Variants in NACA observed in about 807,000 individuals in gnomAD.
NACA encodes the protein nascent polypeptide-associated complex subunit alpha.
In NACA, 42 loss-of-function variants were observed where a neutral mutation model predicts 86.4. The ratio of observed to expected loss-of-function variants is 0.49; its 90% confidence interval spans 0.38 to 0.63. NACA has a LOEUF of 0.63. Among genes scored for constraint, NACA ranks in the 20% least tolerant of loss-of-function variants. The pLI is 0.00. For missense variants in NACA, 2,157 were observed against 2,483.6 expected (o/e 0.87, Z 2.80); for synonymous variants, 898 against 973.7 (o/e 0.92, Z 1.45).
Position 56,713,195 on chromosome 12 carries a change from A to G in NACA, c.5971-5T>C. ...TTGCTGGGATAAATCTTCGATCTAC[A>G]GGGTAGAAAATACAGATCCATGTGA... On this transcript the variant is annotated splice_region_variant and splice_polypyrimidine_tract_variant and intron_variant, in intron 6 of 8. Coordinates refer to ENST00000454682, the MANE Select transcript of NACA (RefSeq NM_001365896.1). The G allele has an allele frequency of 6.2e-7, 1 of 1,613,760 alleles. No homozygotes were observed. The highest frequency in any genetic ancestry group is 2.2e-5 in the East Asian group (1 of 44,876).
Position 56,721,233 on chromosome 12 carries a change from G to C in NACA, c.297C>G (p.Ala99=). 6.2e-7 allele frequency: 1 copy of C among 1,613,720 alleles called. No homozygotes were observed. Among genetic ancestry groups the C allele is most frequent in the Non-Finnish European group, 8.5e-7 (1 of 1,179,774 alleles). Residue 99 remains alanine (A), a synonymous_variant, in exon 3 of 9, where the codon GCC becomes GCG. Transcript: ENST00000454682. The part of the protein sequence containing the change: ...TALPLGTAPE[A]PTFLPNLIGP... Reference sequence around the variant, plus strand: ...CTATTAGGTTTGGTAGGAAGGTTGGGGCTTCAGGGGCAGTTCCCAAAGGTA... The same window carrying C: ...CTATTAGGTTTGGTAGGAAGGTTGGCGCTTCAGGGGCAGTTCCCAAAGGTA...
intron 4 of NACA, 66 bp from the exon 5 acceptor site, chr12:56,714,505 G>A: frequency 6.2e-7 from 1 of 1,604,192 alleles, no homozygotes; most frequent in Non-Finnish European, 8.5e-7. Context: ...TCTCCTTGTG[G>A]GTTTTCCTTT....
chr12:56,714,872 C>T (rs1286760275), intron 3 of NACA, 185 bp from the exon 4 acceptor site: 1 of 602,758 alleles, frequency 1.7e-6, no homozygotes, highest in African/African-American at 1.9e-5. Flanking sequence ...AGCGGGTACA[C>T]ATCTAGTAAA....
At chr12:56,723,349 T>C (rs1363333995) in intron 2 of NACA, among the ~76,000 whole-genome samples, 2 of 152,244 alleles carry the variant, frequency 1.3e-5, no homozygotes, top group East Asian at 1.9e-4. Context: ...TCTAAATTCA[T>C]CTGAATTTCA....
In NACA at chr12:56,717,052, G is replaced by A. The variant is rs760497580; in HGVS notation, c.4478C>T (p.Ala1493Val). The stretch of plus-strand genomic sequence containing the variant: ...CCCCATGGGGGCTGGAGTTGCTGGG[G>A]CCTTTTTGGGAGAGGAAGAAGTGGC... ...QVATSSSPKKAPATPAPMGAP... is the reference protein window; with the variant it reads ...QVATSSSPKKVPATPAPMGAP... The change falls in exon 3 of 9, where the codon GCC (alanine) becomes GTC (valine). Residue 1493 changes from alanine (A) to valine (V), a missense_variant. Physicochemically the swap from Ala to Val is moderately conservative, Grantham distance 64. This residue lies in a region of NACA where 797 missense variants were observed against 777.6 expected (regional missense o/e 1.02). Coordinates refer to ENST00000454682, the MANE Select transcript of NACA (RefSeq NM_001365896.1). 2.4e-6 allele frequency: 3 copies of A among 1,245,722 alleles called. No homozygotes were observed. The highest frequency in any genetic ancestry group is 8.1e-5 in the East Asian group (2 of 24,820). The allele number at this position is 1,245,722 out of a possible 1,614,324, so 77.2% of individuals were successfully genotyped here.
rs1565890575 is a variant in NACA at position 56,712,619 on chromosome 12, T to G, written c.6223-67A>C. The G allele has an allele frequency of 1.9e-6, 3 of 1,600,396 alleles. No homozygotes were observed. In the East Asian group the frequency reaches 6.7e-5, roughly 36 times the overall value. Reference sequence around the variant, plus strand: ...TCAGGAGAATTCAGGTCACTAAAACTCTTACAGGCAAATCAGGAGAATTTA... The same window carrying G: ...TCAGGAGAATTCAGGTCACTAAAACGCTTACAGGCAAATCAGGAGAATTTA... On this transcript the variant is annotated intron_variant, in intron 8 of 8. Coordinates refer to ENST00000454682, the MANE Select transcript of NACA (RefSeq NM_001365896.1).
chr12:56,716,411 T>C lies in NACA; in HGVS notation c.5119A>G (p.Lys1707Glu), dbSNP rs1299343235. The C allele has an allele frequency of 6.2e-7, 1 of 1,601,706 alleles. No homozygotes were observed. Among genetic ancestry groups the C allele is most frequent in the Non-Finnish European group, 8.5e-7 (1 of 1,172,664 alleles). Residue 1707 changes from lysine to glutamate, a missense_variant, in exon 3 of 9, where the codon AAA becomes GAA. Lys to Glu is a moderately conservative substitution (Grantham distance 56). Transcript: ENST00000454682. Reference protein sequence around the residue: ...TAPTRKGPQTKKSSATSPPIC... With the variant: ...TAPTRKGPQTEKSSATSPPIC... ...GGAGGTGAAGTAGCAGAACTCTTTT[T>C]GGTCTGTGGACCTTTCCGAGTGGGA... is the stretch of plus-strand genomic sequence containing the variant.
At chr12:56,724,166 GT>G (rs2137838858) in intron 2 of NACA, among the ~76,000 whole-genome samples, 1 of 152,276 alleles carries the variant, frequency 6.6e-6, no homozygotes, top group African/African-American at 2.4e-5. Flanking sequence ...TCCCTGCTGA[GT>G]TTTCCTATGT....
rs1953274514 is a variant in NACA, at chr12:56,713,671, G to A, written c.5836C>T (p.Leu1946=). The A allele has an allele frequency of 6.2e-7, 1 of 1,614,034 alleles. No individual in the cohort carries two copies. The highest frequency in any genetic ancestry group is 8.5e-7 in the Non-Finnish European group (1 of 1,179,968). The change falls in exon 6 of 9, where the codon CTG becomes TTG. Residue 1946 remains leucine, a synonymous_variant. Coordinates refer to ENST00000454682, the MANE Select transcript of NACA (RefSeq NM_001365896.1). ...ACTCCTGTAACCTGCCGAAGACCCA[G>A]TTTGGACATAGCCTAAAGAAGAGAA... ...EKKARKAMSK[L]GLRQVTGVTR...
In NACA at chr12:56,714,339, C is replaced by T. The variant is rs772803436; in HGVS notation, c.5823+23G>A. ...CTGTATAAAGGTGCTTCATAAGATC[C>T]TGAAATCCTTTTCAAATCTTACCTT... On this transcript the variant is annotated intron_variant, in intron 5 of 8. Transcript: ENST00000454682. 7.1e-5 allele frequency: 115 copies of T among 1,610,770 alleles called. 3 individuals are homozygous for T. The South Asian group carries it at 1.2e-3, about 17-fold the overall frequency.
rs1953477352 is a variant in NACA at position 56,718,726 on chromosome 12, G to C, written c.2804C>G (p.Ser935Cys). 1 of 1,441,628 alleles carries C rather than the reference G, an allele frequency of 6.9e-7. No homozygotes were observed. Among genetic ancestry groups the C allele is most frequent in the Non-Finnish European group, 9.4e-7 (1 of 1,069,508 alleles). The allele number at this position is 1,441,628 out of a possible 1,614,324, so 89.3% of individuals were successfully genotyped here. A position where few individuals can be genotyped will look rare whatever the true frequency, so the allele number is the denominator to read the frequency against. ...TGGGGGTGTGGGGGCCCCTTTGGGG[G>C]ATGGGGAAGCTGGGATTCCTTTAGG... is the stretch of plus-strand genomic sequence containing the variant. ...PAPKGIPASP[S>C]PKGAPTPPAA... Residue 935 changes from serine to cysteine, a missense_variant, in exon 3 of 9, where the codon TCC becomes TGC. Around this residue, in one of 8 missense-constraint regions of NACA, gnomAD observed 174 missense variants for 217.0 expected, o/e 0.80. Coordinates refer to ENST00000454682, the MANE Select transcript of NACA (RefSeq NM_001365896.1).
Position 56,721,255 on chromosome 12 carries a change from G to A in NACA, c.275C>T (p.Pro92Leu). ...FPQSSSGTAL[P>L]LGTAPEAPTF... ...TGGGGCTTCAGGGGCAGTTCCCAAA[G>A]GTAGGGCTGTTCCAGAGGATGACTG... Residue 92 changes from proline (P) to leucine (L), a missense_variant, in exon 3 of 9, where the codon CCT (proline) becomes CTT (leucine). Pro to Leu is a moderately conservative substitution (Grantham distance 98, BLOSUM62 -3). Coordinates refer to ENST00000454682, the MANE Select transcript of NACA (RefSeq NM_001365896.1). 1.2e-6 allele frequency: 2 copies of A among 1,613,616 alleles called. No individual in the cohort carries two copies. Among genetic ancestry groups the A allele is most frequent in the Non-Finnish European group, 1.7e-6 (2 of 1,179,742 alleles).
chr12:56,715,784 G>A (rs1272228484), intron 3 of NACA, 87 bp downstream of exon 3: 30 of 1,161,938 alleles, frequency 2.6e-5, no homozygotes, highest in Admixed American at 1.8e-4. Context: ...AGAAAGCGGC[G>A]CATCACAGGG....
rs751482228 is a variant in NACA, at chr12:56,715,871, C to T, written c.5659G>A (p.Gly1887Arg). The T allele has an allele frequency of 1.3e-6, 2 of 1,512,804 alleles. No individual in the cohort carries two copies. The highest frequency in any genetic ancestry group is 2.8e-5 in the African/African-American group (2 of 71,556). 93.7% of individuals were successfully genotyped at this position (1,512,804 alleles called of 1,614,324 possible). A position where few individuals can be genotyped will look rare whatever the true frequency, so the allele number is the denominator to read the frequency against. Residue 1887 changes from glycine to arginine, a missense_variant and splice_region_variant, in exon 3 of 9, where the codon GGG (glycine) becomes AGG (arginine). Around this residue, in one of 8 missense-constraint regions of NACA, gnomAD observed 797 missense variants for 777.6 expected, o/e 1.02. Transcript: ENST00000454682. ...GCACACGGCAAACCAAGGCAAATAC[C>T]CTTGTTGTTCTTCGTAACAGGTTGC... ...AKQPVTKNNK[G>R]SGTESDSDES...
chr12:56,713,212 T>A, intron 6 of NACA, 22 bp from the exon 7 acceptor site: 1 of 1,612,334 alleles, frequency 6.2e-7, no homozygotes. Flanking sequence ...AAAATACAGA[T>A]CCATGTGAGT....
chr12:56,721,542 T>C, intron 2 of NACA, 83 bp from the exon 3 acceptor site: 1 of 847,954 alleles, frequency 1.2e-6, no homozygotes, highest in Non-Finnish European at 1.8e-6. Context: ...TGGTACAACA[T>C]GCCTCCTAGG....
In NACA at chr12:56,718,971, C is replaced by G. The variant is rs376972317; in HGVS notation, c.2559G>C (p.Thr853=). ...FQGSKDSPAT[T]HSPTPPSPKG... is the part of the protein sequence containing the mutation. Reference sequence around the variant, plus strand: ...TGGGGGATGGAGGAGTGGGAGAATGCGTCGTGGCTGGTGAGTCTTTAGAGC... The same window carrying G: ...TGGGGGATGGAGGAGTGGGAGAATGGGTCGTGGCTGGTGAGTCTTTAGAGC... The change falls in exon 3 of 9, where the codon ACG becomes ACC. Residue 853 remains threonine, a synonymous_variant. Transcript: ENST00000454682. The G allele has an allele frequency of 6.9e-7, 1 of 1,446,642 alleles. No homozygotes were observed. The allele number at this position is 1,446,642 out of a possible 1,614,324, so 89.6% of individuals were successfully genotyped here.
At position 56,716,257 on chromosome 12, in the gene NACA, G is replaced by A. The variant is rs1443796981; in HGVS notation, c.5273C>T (p.Pro1758Leu). 6.2e-7 allele frequency: 1 copy of A among 1,613,572 alleles called. No individual in the cohort carries two copies. The highest frequency in any genetic ancestry group is 1.3e-5 in the African/African-American group (1 of 74,922). The change falls in exon 3 of 9, where the codon CCA becomes CTA. Residue 1758 changes from proline to leucine, a missense_variant. By Grantham distance (98) the Pro-to-Leu change is moderately conservative. Coordinates refer to ENST00000454682, the MANE Select transcript of NACA (RefSeq NM_001365896.1). ...CTCAGGAGGAGCCAAGGGGCCCTTT[G>A]GGGAATGAGAAGCATCTTTGCCTTT... is the stretch of plus-strand genomic sequence containing the variant. ...TAKGKDASHS[P>L]KGPLAPPESK...
rs775527927 is a variant in NACA at position 56,724,495 on chromosome 12, G to T, written c.27C>A (p.Val9=). 8.7e-6 allele frequency: 14 copies of T among 1,612,838 alleles called. 1 individual carries two copies. In the South Asian group the frequency reaches 1.5e-4, roughly 18 times the overall value. MPGEATET[V]PATEQELPQP... ...GCGGCAACTCCTGCTCTGTAGCAGG[G>T]ACGGTTTCTGTGGCTTCGCCGGGCA... The change falls in exon 2 of 9, where the codon GTC becomes GTA. Residue 9 remains valine, a synonymous_variant. Coordinates refer to ENST00000454682, the MANE Select transcript of NACA (RefSeq NM_001365896.1).
Sources: allele counts gnomAD v4.1 joint callset (sites outside exome capture counted in the v4.1 genomes callset), GRCh38; gene constraint gnomAD v4.1.1; regional missense constraint gnomAD v4.1.1; transcripts MANE v1.5; gene names NCBI Gene and HGNC (gene_info 2026-07-23, HGNC 2026-07-21).